Variants in FLI1 observed in about 807,000 individuals in gnomAD.
The protein encoded by FLI1 is Friend leukemia integration 1 transcription factor.
In FLI1, 13 loss-of-function variants were observed where a neutral mutation model predicts 53.1. The observed-to-expected ratio is 0.24, with a 90% confidence interval of 0.16 to 0.39. The LOEUF is 0.39. FLI1 is among the 10% of genes least tolerant of loss of function. The probability of loss-of-function intolerance (pLI) is 1.00; values close to 1 mark genes in which losing one functional copy is unlikely to be tolerated. For missense variants in FLI1, 424 were observed against 600.5 expected, an observed-to-expected ratio of 0.71 and a Z score of 3.07; for synonymous variants, 244 against 236.7, an observed-to-expected ratio of 1.03 and a Z score of -0.28.
intron 7 of FLI1, 45 bp downstream of exon 7, chr11:128,807,284 T>G (rs1304775361): frequency 1.4e-6 from 2 of 1,415,004 alleles, no homozygotes; most frequent in Admixed American, 4.1e-5. Context: ...TCCTGCACAG[T>G]TGTTGATTTC....
chr11:128,702,375 T>C (rs1019833534), intron 1 of FLI1, among the ~76,000 whole-genome samples: 10 of 152,240 alleles, frequency 6.6e-5, no homozygotes, highest in Admixed American at 1.3e-4. Context: ...GGAGAAATCT[T>C]TATTTGTGGC....
chr11:128,706,558 A>G (rs1938554457), intron 1 of FLI1, among the ~76,000 whole-genome samples: 1 of 152,208 alleles, frequency 6.6e-6, no homozygotes, highest in African/African-American at 2.4e-5. Flanking sequence ...TTCAAGATGT[A>G]GTGTGTCAAA....
At chr11:128,754,235 A>ATG (rs57171401) in intron 1 of FLI1, among the ~76,000 whole-genome samples, 19,426 of 145,584 alleles carry the variant, frequency 0.13, 1,346 homozygotes, top group African/African-American at 0.17. Flanking sequence ...TAGAAGGGGG[A>ATG]TGTGTGTGTG....
chr11:128,797,444 C>T (rs1356081450), intron 5 of FLI1, among the ~76,000 whole-genome samples: 1 of 152,206 alleles, frequency 6.6e-6, no homozygotes, highest in Non-Finnish European at 1.5e-5. Context: ...CTATGTAGAG[C>T]TCTATTTTCA....
intron 2 of FLI1, among the ~76,000 whole-genome samples, chr11:128,764,310 A>G (rs1941246644): frequency 6.6e-6 from 1 of 152,232 alleles, no homozygotes; most frequent in Non-Finnish European, 1.5e-5. Flanking sequence ...CAGAACACAC[A>G]CAAACAGAAC....
In FLI1 at chr11:128,758,141, C is replaced by A; in HGVS notation, c.45C>A (p.Asp15Glu). ...IKEALSVVSDDQSLFDSAYGA... is the reference protein window; with the variant it reads ...IKEALSVVSDEQSLFDSAYGA... ...AGGCTCTGTCGGTGGTGAGCGACGA[C>A]CAGTCCCTCTTTGACTCAGCGTACG... is the stretch of plus-strand genomic sequence containing the variant. Residue 15 changes from aspartate to glutamate, a missense_variant, in exon 2 of 9, where the codon GAC becomes GAA. Physicochemically the swap from Asp to Glu is conservative, Grantham distance 45 (BLOSUM62 2). Coordinates refer to ENST00000527786, the MANE Select transcript of FLI1 (RefSeq NM_002017.5). 6.2e-7 allele frequency: 1 copy of A among 1,613,240 alleles called. No homozygotes were observed. Among genetic ancestry groups the A allele is most frequent in the Non-Finnish European group, 8.5e-7 (1 of 1,179,600 alleles).
chr11:128,719,161 A>G (rs1939144291), intron 1 of FLI1, among the ~76,000 whole-genome samples: 1 of 152,028 alleles, frequency 6.6e-6, no homozygotes, highest in East Asian at 1.9e-4. Context: ...AGGGGAAGGC[A>G]TTTTGGTGGA....
intron 5 of FLI1, among the ~76,000 whole-genome samples, chr11:128,789,403 G>A (rs1425783621): frequency 6.6e-6 from 1 of 152,190 alleles, no homozygotes; most frequent in African/African-American, 2.4e-5. Flanking sequence ...ATTTGGCCGG[G>A]GAGGGCGGAG....
At chr11:128,763,770 C>G (rs3888275) in intron 2 of FLI1, among the ~76,000 whole-genome samples, 1 of 152,176 alleles carries the variant, frequency 6.6e-6, no homozygotes, top group African/African-American at 2.4e-5. Context: ...TACACAGGAT[C>G]CTGGAAAAGT....
chr11:128,720,066 T>G (rs900742594), intron 1 of FLI1, among the ~76,000 whole-genome samples: 17 of 152,226 alleles, frequency 1.1e-4, no homozygotes, highest in Non-Finnish European at 2.2e-4. Flanking sequence ...AGTCTCACAA[T>G]ACAGAAAGCA....
intron 5 of FLI1, among the ~76,000 whole-genome samples, chr11:128,794,613 ACTCT>A (rs777910442): frequency 6.6e-6 from 1 of 152,104 alleles, no homozygotes; most frequent in East Asian, 1.9e-4. Flanking sequence ...AGATTGAATA[ACTCT>A]CTCTCTTCAG....
intron 1 of FLI1, among the ~76,000 whole-genome samples, chr11:128,703,857 A>AC: frequency 6.6e-6 from 1 of 151,150 alleles, no homozygotes; most frequent in East Asian, 1.9e-4. Context: ...AAAAAAAAAA[A>AC]AAAAAACAAA....
chr11:128,761,978 A>G (rs1941138673), intron 2 of FLI1, among the ~76,000 whole-genome samples: 1 of 152,086 alleles, frequency 6.6e-6, no homozygotes, highest in African/African-American at 2.4e-5. Context: ...GGACTCTCAG[A>G]GCCAAGCAGC....
intron 5 of FLI1, among the ~76,000 whole-genome samples, chr11:128,801,504 G>C (rs1318023347): frequency 6.6e-6 from 1 of 152,168 alleles, no homozygotes; most frequent in Non-Finnish European, 1.5e-5. Context: ...CAGCATTCAG[G>C]CCTTGACTTC....
At chr11:128,791,681 G>GTGGCATTGCCTTT (rs1942277452) in intron 5 of FLI1, among the ~76,000 whole-genome samples, 1 of 152,226 alleles carries the variant, frequency 6.6e-6, no homozygotes, top group Non-Finnish European at 1.5e-5. Context: ...AGCTGCTGGT[G>GTGGCATTGCCTTT]TGGCATTGCC....
chr11:128,799,037 A>ATTTTTTT (rs201505573), intron 5 of FLI1, among the ~76,000 whole-genome samples: 4 of 130,802 alleles, frequency 3.1e-5, no homozygotes, highest in East Asian at 2.1e-4. Flanking sequence ...TATTATTATT[A>ATTTTTTT]TTATTATTAT....
At chr11:128,776,684 T>G (rs1941737640) in intron 4 of FLI1, among the ~76,000 whole-genome samples, 1 of 152,158 alleles carries the variant, frequency 6.6e-6, no homozygotes, top group African/African-American at 2.4e-5. Flanking sequence ...TGTGGACAAC[T>G]ATCTACAGTA....
chr11:128,796,359 C>T (rs530618245), intron 5 of FLI1, among the ~76,000 whole-genome samples: 2 of 152,162 alleles, frequency 1.3e-5, no homozygotes, highest in Non-Finnish European at 2.9e-5. Flanking sequence ...GCCCAATACA[C>T]TAGAGGAGGT....
intron 1 of FLI1, among the ~76,000 whole-genome samples, chr11:128,732,285 C>T (rs1034067502): frequency 1.3e-5 from 2 of 152,208 alleles, no homozygotes; most frequent in African/African-American, 2.4e-5. Context: ...AAGGTAGAAC[C>T]GTGCATCTTA....
Sources: allele counts gnomAD v4.1 joint callset (sites outside exome capture counted in the v4.1 genomes callset), GRCh38; gene constraint gnomAD v4.1.1; transcripts MANE v1.5; gene names NCBI Gene and HGNC (gene_info 2026-07-23, HGNC 2026-07-21).